Variants in ROBO1 observed in about 807,000 individuals in gnomAD.
The protein encoded by ROBO1 is roundabout homolog 1.
Under a neutral mutation model 195.9 loss-of-function variants are expected in ROBO1, and 149 were observed. The observed-to-expected ratio is 0.76, with a 90% CI of 0.67 to 0.87. The LOEUF (loss-of-function observed/expected upper bound fraction) is 0.87. ROBO1 is among the 40% of genes least tolerant of loss of function. The pLI is 0.00. For missense variants in ROBO1, 1,933 were observed against 2,068.3 expected (o/e 0.93, Z 1.27); for synonymous variants, 816 against 733.2 (o/e 1.11, Z -1.82).
At chr3:79,173,429 G>A (rs905698806) in intron 2 of ROBO1, among the ~76,000 whole-genome samples, 5 of 151,712 alleles carry the variant, frequency 3.3e-5, no homozygotes, top group African/African-American at 7.3e-5. Context: ...CCCGCACTCC[G>A]AGCAGCTGGC....
At chr3:79,191,853 C>T (rs1049328954) in intron 2 of ROBO1, among the ~76,000 whole-genome samples, 1 of 151,510 alleles carries the variant, frequency 6.6e-6, no homozygotes, top group Admixed American at 6.6e-5. Context: ...GTTTTAAGGT[C>T]TCTTGGTACA....
At chr3:79,223,451 C>T (rs2082175746) in intron 2 of ROBO1, among the ~76,000 whole-genome samples, 1 of 152,074 alleles carries the variant, frequency 6.6e-6, no homozygotes, top group African/African-American at 2.4e-5. Flanking sequence ...ATCAGTCTCT[C>T]CATATGCAAA....
chr3:79,668,760 AAAAGAAAGAC>A (rs1334149971), intron 1 of ROBO1, among the ~76,000 whole-genome samples: 2 of 151,862 alleles, frequency 1.3e-5, no homozygotes, highest in Non-Finnish European at 2.9e-5. Context: ...AAATGTAAGA[AAAAGAAAGAC>A]AATTTTTGAG....
chr3:78,830,809 T>C (rs140266538), intron 4 of ROBO1, among the ~76,000 whole-genome samples: 16 of 152,330 alleles, frequency 1.1e-4, no homozygotes, highest in African/African-American at 3.8e-4. Flanking sequence ...GAAATAGATT[T>C]AGAACACGGC....
chr3:79,234,606 T>C (rs2082375832), intron 2 of ROBO1, among the ~76,000 whole-genome samples: 1 of 151,960 alleles, frequency 6.6e-6, no homozygotes. Context: ...ATGAAGAAAA[T>C]ATGGTACATA....
intron 2 of ROBO1, among the ~76,000 whole-genome samples, chr3:79,588,760 C>T (rs1261365827): frequency 2.6e-5 from 4 of 151,664 alleles, no homozygotes; most frequent in African/African-American, 4.8e-5. Flanking sequence ...TAATTTGATA[C>T]AAATCATTAA....
intron 1 of ROBO1, among the ~76,000 whole-genome samples, chr3:79,654,030 T>C (rs1454043134): frequency 6.6e-6 from 1 of 152,002 alleles, no homozygotes; most frequent in Middle Eastern, 3.2e-3. Flanking sequence ...TTATGACATA[T>C]CCAGAACATT....
intron 3 of ROBO1, among the ~76,000 whole-genome samples, chr3:79,012,344 T>C (rs2077801984): frequency 6.6e-6 from 1 of 152,224 alleles, no homozygotes. Context: ...TATCCTTTGA[T>C]GGTGCTTTTA....
chr3:79,290,151 G>A (rs924777507), intron 2 of ROBO1, among the ~76,000 whole-genome samples: 1 of 151,872 alleles, frequency 6.6e-6, no homozygotes, highest in Non-Finnish European at 1.5e-5. Flanking sequence ...TGATTCTCCT[G>A]CCTCAGCCTC....
intron 3 of ROBO1, among the ~76,000 whole-genome samples, chr3:78,944,579 G>A (rs545989435): frequency 6.6e-6 from 1 of 152,334 alleles, no homozygotes; most frequent in South Asian, 2.1e-4. Flanking sequence ...ACAGCTCCCA[G>A]GGGGAGCAAC....
At chr3:78,962,758 C>G (rs1197390855) in intron 3 of ROBO1, among the ~76,000 whole-genome samples, 1 of 138,466 alleles carries the variant, frequency 7.2e-6, no homozygotes, top group Non-Finnish European at 1.5e-5. Flanking sequence ...TGGAGGGCAG[C>G]GCTTGCAGTG....
At chr3:79,698,719 A>G (rs1389972424) in intron 1 of ROBO1, among the ~76,000 whole-genome samples, 1 of 151,536 alleles carries the variant, frequency 6.6e-6, no homozygotes, top group Non-Finnish European at 1.5e-5. Flanking sequence ...CCATTAATAG[A>G]GAGAAAGTAT....
intron 4 of ROBO1, among the ~76,000 whole-genome samples, chr3:78,868,357 A>C (rs1469160566): frequency 6.8e-6 from 1 of 147,912 alleles, no homozygotes; most frequent in East Asian, 2.0e-4. Context: ...AATAAATTCA[A>C]GTTCTAATTT....
chr3:79,203,768 G>C (rs1206051522), intron 2 of ROBO1, among the ~76,000 whole-genome samples: 1 of 152,176 alleles, frequency 6.6e-6, no homozygotes, highest in East Asian at 1.9e-4. Flanking sequence ...TTTTGCACCA[G>C]AGGTGCAGAG....
At chr3:78,745,134 C>G (rs189372398) in intron 5 of ROBO1, among the ~76,000 whole-genome samples, 2 of 151,710 alleles carry the variant, frequency 1.3e-5, no homozygotes, top group African/African-American at 2.4e-5. Context: ...ACGGTGAAAC[C>G]TCATCTCTAC....
chr3:79,532,997 A>T, intron 2 of ROBO1: 1 of 325,366 alleles, frequency 3.1e-6, no homozygotes, highest in Non-Finnish European at 6.1e-6. Context: ...AAAAAAAAGT[A>T]TCTTGTAATT....
intron 5 of ROBO1, among the ~76,000 whole-genome samples, chr3:78,739,382 A>G (rs1018972013): frequency 6.6e-6 from 1 of 152,148 alleles, no homozygotes; most frequent in Non-Finnish European, 1.5e-5. Flanking sequence ...ATAATTGCTT[A>G]CTTTTTTCAA....
Position 79,377,621 on chromosome 3 carries a change from A to C in ROBO1, c.88+212203T>G, listed in dbSNP as rs149508257. On this transcript the variant is annotated intron_variant, in intron 2 of 30. Transcript: ENST00000464233. ...CCTAATATTTATGTTTATCCTCTTC[A>C]TTATACCCTGTGTCATATGTTATTT... Among the ~76,000 whole-genome samples, 255 of 152,226 alleles carry C rather than the reference A, an allele frequency of 1.7e-3. 3 individuals carry two copies. Among genetic ancestry groups the C allele is most frequent in the South Asian group, 4.4e-3 (21 of 4,824 alleles).
chr3:78,651,427 TA>T (rs1403671255), intron 19 of ROBO1, among the ~76,000 whole-genome samples: 1 of 152,064 alleles, frequency 6.6e-6, no homozygotes, highest in African/African-American at 2.4e-5. Context: ...TTCAAGAATA[TA>T]AAGCAATAAA....
Sources: gnomAD v4.1 joint callset for allele counts (sites outside exome capture counted in the v4.1 genomes callset) on GRCh38, gnomAD v4.1.1 for gene constraint, MANE v1.5 for transcripts, NCBI Gene and HGNC (gene_info 2026-07-23, HGNC 2026-07-21) for gene names.